Variants in ROBO2 observed in about 807,000 individuals in gnomAD.
ROBO2 encodes roundabout homolog 2.
Under a neutral mutation model 160.8 loss-of-function variants are expected in ROBO2, and 53 were observed. The ratio of observed to expected loss-of-function variants is 0.33; its 90% confidence interval spans 0.26 to 0.41. The LOEUF (loss-of-function observed/expected upper bound fraction) is 0.41. Among genes scored for constraint, ROBO2 ranks in the 10% least tolerant of loss-of-function variants. The pLI, the probability that ROBO2 is intolerant of heterozygous loss-of-function variation, is 1.00. For missense variants in ROBO2, 1,577 were observed against 1,722.4 expected, an observed-to-expected ratio of 0.92 and a Z score of 1.49; for synonymous variants, 664 against 611.7, an observed-to-expected ratio of 1.09 and a Z score of -1.26.
At chr3:76,897,471 A>G (rs944942280) in intron 2 of ROBO2, among the ~76,000 whole-genome samples, 2 of 152,128 alleles carry the variant, frequency 1.3e-5, no homozygotes, top group African/African-American at 4.8e-5. Context: ...ATCAATACCA[A>G]ACACATTGAA....
chr3:77,602,174 T>G, intron 19 of ROBO2, 36 bp from the exon 21 acceptor site: 18 of 1,612,234 alleles, frequency 1.1e-5, no homozygotes, highest in Non-Finnish European at 1.5e-5. Flanking sequence ...TTCCGGTGCC[T>G]CATTAAATTG....
intron 2 of ROBO2, among the ~76,000 whole-genome samples, chr3:76,045,040 A>C (rs2067405867): frequency 6.6e-6 from 1 of 152,076 alleles, no homozygotes; most frequent in Admixed American, 6.5e-5. Flanking sequence ...ACCACACATA[A>C]GGTCTTTAAA....
intron 2 of ROBO2, among the ~76,000 whole-genome samples, chr3:76,726,392 C>T (rs1225620848): frequency 6.6e-6 from 1 of 152,110 alleles, no homozygotes; most frequent in Non-Finnish European, 1.5e-5. Flanking sequence ...ACTTTGCCCT[C>T]CCGCAACTTG....
At chr3:76,902,564 A>G (rs1348414993) in intron 2 of ROBO2, among the ~76,000 whole-genome samples, 2 of 152,002 alleles carry the variant, frequency 1.3e-5, no homozygotes, top group African/African-American at 4.8e-5. Flanking sequence ...AGTTGTCTGG[A>G]CCCTTTAATA....
intron 2 of ROBO2, among the ~76,000 whole-genome samples, chr3:76,427,877 T>G (rs887517153): frequency 6.6e-6 from 1 of 152,282 alleles, no homozygotes; most frequent in African/African-American, 2.4e-5. Flanking sequence ...TCAGTCACAT[T>G]GATTAGTATG....
At chr3:76,671,554 G>T (rs2092262978) in intron 2 of ROBO2, among the ~76,000 whole-genome samples, 1 of 151,978 alleles carries the variant, frequency 6.6e-6, no homozygotes, top group African/African-American at 2.4e-5. Context: ...TATTCTCATA[G>T]GTTGCTGTTT....
intron 2 of ROBO2, among the ~76,000 whole-genome samples, chr3:77,168,752 G>A (rs2079345641): frequency 6.6e-6 from 1 of 152,160 alleles, no homozygotes. Flanking sequence ...GAAGGAACAT[G>A]TTGGTCCAAT....
chr3:76,070,336 C>G (rs6810266), intron 2 of ROBO2, among the ~76,000 whole-genome samples: 2 of 151,942 alleles, frequency 1.3e-5, no homozygotes, highest in Admixed American at 6.6e-5. Flanking sequence ...GAACTGGCCC[C>G]GCTGGGCGTG....
chr3:77,164,563 C>T (rs1219272752), intron 2 of ROBO2, among the ~76,000 whole-genome samples: 1 of 141,288 alleles, frequency 7.1e-6, no homozygotes, highest in Non-Finnish European at 1.6e-5. Flanking sequence ...CCCGGCCAGC[C>T]GCCCCGTCCG....
At chr3:76,360,070 T>C (rs2075415769) in intron 2 of ROBO2, among the ~76,000 whole-genome samples, 1 of 152,048 alleles carries the variant, frequency 6.6e-6, no homozygotes, top group African/African-American at 2.4e-5. Flanking sequence ...TCTATGAAGT[T>C]GCATGTATAT....
intron 2 of ROBO2, among the ~76,000 whole-genome samples, chr3:76,771,774 A>G (rs1232878527): frequency 6.6e-6 from 1 of 151,126 alleles, no homozygotes; most frequent in African/African-American, 2.4e-5. Flanking sequence ...GGAAAATACT[A>G]TAAAAATAAA....
At chr3:76,438,431 C>G (rs979961397) in intron 2 of ROBO2, among the ~76,000 whole-genome samples, 1 of 151,728 alleles carries the variant, frequency 6.6e-6, no homozygotes, top group African/African-American at 2.4e-5. Flanking sequence ...CACACACACA[C>G]ACACACACAC....
intron 2 of ROBO2, among the ~76,000 whole-genome samples, chr3:76,164,055 A>C (rs1231180175): frequency 2.6e-5 from 4 of 152,194 alleles, no homozygotes; most frequent in African/African-American, 9.7e-5. Context: ...CTGCTTTGCC[A>C]ACTAAGTTTA....
chr3:77,329,374 A>G (rs2065761274), intron 2 of ROBO2, among the ~76,000 whole-genome samples: 1 of 152,222 alleles, frequency 6.6e-6, no homozygotes, highest in Non-Finnish European at 1.5e-5. Flanking sequence ...AGAATTTAAG[A>G]GTCACTCCTT....
At chr3:76,420,199 G>C (rs1451971167) in intron 2 of ROBO2, among the ~76,000 whole-genome samples, 2 of 152,000 alleles carry the variant, frequency 1.3e-5, no homozygotes, top group African/African-American at 4.8e-5. Context: ...TATTTTTGTA[G>C]AGATGTGGTC....
intron 2 of ROBO2, among the ~76,000 whole-genome samples, chr3:76,349,330 TAGC>T (rs1325919915): frequency 9.9e-5 from 15 of 152,112 alleles, no homozygotes; most frequent in Admixed American, 9.2e-4. Flanking sequence ...ATAATACTAA[TAGC>T]AGGCATTAAT....
chr3:76,693,654 G>A (rs910109167), intron 2 of ROBO2, among the ~76,000 whole-genome samples: 1 of 152,084 alleles, frequency 6.6e-6, no homozygotes, highest in African/African-American at 2.4e-5. Flanking sequence ...AACAAGAGGA[G>A]TTGATCGTGT....
intron 2 of ROBO2, among the ~76,000 whole-genome samples, chr3:77,108,378 G>A (rs2073136688): frequency 6.6e-6 from 1 of 151,674 alleles, no homozygotes; most frequent in African/African-American, 2.4e-5. Context: ...CCCACTCACT[G>A]TGTTGCCTAG....
chr3:76,704,981 T>A (rs2093130043), intron 2 of ROBO2, among the ~76,000 whole-genome samples: 1 of 152,180 alleles, frequency 6.6e-6, no homozygotes, highest in Non-Finnish European at 1.5e-5. Context: ...GTGGACTTTT[T>A]CTGGGTAAAG....
Sources: allele counts gnomAD v4.1 joint callset (sites outside exome capture counted in the v4.1 genomes callset), GRCh38; gene constraint gnomAD v4.1.1; transcripts MANE v1.5; gene names NCBI Gene and HGNC (gene_info 2026-07-23, HGNC 2026-07-21).